The following KLKB1 variants were observed in gnomAD, a reference collection of about 807,000 sequenced individuals.
KLKB1 encodes the protein kallikrein B1.
KLKB1 carries 58 observed loss-of-function variants against 73.6 expected under a neutral mutation model. The ratio of observed to expected loss-of-function variants is 0.79; its 90% CI spans 0.64 to 0.98. The LOEUF (loss-of-function observed/expected upper bound fraction) is 0.98. Ranked by LOEUF, KLKB1 falls within the 50% of genes least tolerant of loss-of-function variation. The pLI, the probability that KLKB1 is intolerant of heterozygous loss-of-function variation, is 0.00. For missense variants in KLKB1, 737 were observed against 763.8 expected, an observed-to-expected ratio of 0.96 and a Z score of 0.41; for synonymous variants, 280 against 258.1, an observed-to-expected ratio of 1.08 and a Z score of -0.81.
At chr4:186,238,689 G>A (rs1204597250) in intron 6 of KLKB1, among the ~76,000 whole-genome samples, 4 of 152,174 alleles carry the variant, frequency 2.6e-5, no homozygotes, top group Non-Finnish European at 5.9e-5. Context: ...GAATGCAGGC[G>A]GCCTCTAGAA....
At chr4:186,218,707 A>G (rs1259281284) in intron 2 of KLKB1, among the ~76,000 whole-genome samples, 2 of 152,062 alleles carry the variant, frequency 1.3e-5, no homozygotes, top group South Asian at 2.1e-4. Context: ...AAGTTCATGT[A>G]TACGATACAG....
chr4:186,230,835 C>A (rs1244583428), intron 2 of KLKB1, among the ~76,000 whole-genome samples: 1 of 152,170 alleles, frequency 6.6e-6, no homozygotes, highest in East Asian at 1.9e-4. Context: ...AAACCACCAA[C>A]TGTCTGAAAA....
At chr4:186,246,725 G>A (rs1394179820) in intron 6 of KLKB1, among the ~76,000 whole-genome samples, 2 of 152,076 alleles carry the variant, frequency 1.3e-5, no homozygotes, top group Non-Finnish European at 2.9e-5. Context: ...GGAGAGAAGG[G>A]GTGGGGGGGT....
At chr4:186,231,483 G>T (rs981179243) in intron 2 of KLKB1, among the ~76,000 whole-genome samples, 6 of 152,182 alleles carry the variant, frequency 3.9e-5, no homozygotes, top group African/African-American at 1.4e-4. Context: ...TGCTTAAACT[G>T]TCTTAAAAAT....
Position 186,258,197 on chromosome 4 carries a change from G to A in KLKB1, c.1902G>A (p.Met634Ile). 6.2e-7 allele frequency: 1 copy of A among 1,614,030 alleles called. No homozygotes were observed. Residue 634 changes from methionine (M) to isoleucine (I), a missense_variant, in exon 15 of 15, where the codon ATG becomes ATA. By Grantham distance (10) the Met-to-Ile change is conservative. Coordinates refer to ENST00000264690, the MANE Select transcript of KLKB1 (RefSeq NM_000892.5). Reference protein sequence around the residue: ...KTQSSDGKAQMQSPA With the variant: ...KTQSSDGKAQIQSPA ...AGAGCAGTGATGGAAAAGCTCAGAT[G>A]CAGTCACCAGCATGAGAAGCAGTCC... is the stretch of plus-strand genomic sequence containing the variant.
chr4:186,245,643 G>A (rs1224985866), intron 6 of KLKB1, among the ~76,000 whole-genome samples: 1 of 152,088 alleles, frequency 6.6e-6, no homozygotes, highest in Non-Finnish European at 1.5e-5. Context: ...AAGTTTTTGT[G>A]TGTGCTGGAG....
intron 13 of KLKB1, among the ~76,000 whole-genome samples, chr4:186,256,388 C>T (rs1423647011): frequency 2.0e-5 from 3 of 152,202 alleles, no homozygotes; most frequent in African/African-American, 7.2e-5. Flanking sequence ...CCACCCGCTC[C>T]TCAGTGTTAG....
Position 186,257,346 on chromosome 4 carries a change from G to T in KLKB1, c.1706G>T (p.Gly569Val). The change falls in exon 14 of 15, where the codon GGG (glycine) becomes GTG (valine). Residue 569 changes from glycine to valine, a missense_variant. Coordinates refer to ENST00000264690, the MANE Select transcript of KLKB1 (RefSeq NM_000892.5). ...QRMVCAGYKEGGKDACKGDSG... is the reference protein window; with the variant it reads ...QRMVCAGYKEVGKDACKGDSG... ...ATGGTCTGTGCTGGCTATAAAGAAGGGGGAAAAGATGCTTGTAAGGTAACT... is the reference window on the plus strand; with the variant it reads ...ATGGTCTGTGCTGGCTATAAAGAAGTGGGAAAAGATGCTTGTAAGGTAACT... 1 of 1,591,240 alleles carries T rather than the reference G, an allele frequency of 6.3e-7. No individual in the cohort carries two copies. The highest frequency in any genetic ancestry group is 8.6e-7 in the Non-Finnish European group (1 of 1,167,996).
intron 7 of KLKB1, chr4:186,250,886 G>T: frequency 5.4e-6 from 2 of 367,992 alleles, no homozygotes; most frequent in East Asian, 6.7e-5. Flanking sequence ...AGAGAAGGGT[G>T]TCTAGTTATG....
At chr4:186,240,131 GTTATAGTTATAGGACAGTGATA>G (rs1737941237) in intron 6 of KLKB1, among the ~76,000 whole-genome samples, 1 of 121,736 alleles carries the variant, frequency 8.2e-6, no homozygotes. Context: ...CAGTGATACT[GTTATAGTTATAGGACAGTGATA>G]TTCTTATAGT....
rs1431504114 is a variant in KLKB1 at position 186,252,022 on chromosome 4, A to G, written c.1150A>G (p.Thr384Ala). 19 of 1,614,218 alleles carry G rather than the reference A, an allele frequency of 1.2e-5. No homozygotes were observed. Among genetic ancestry groups the G allele is most frequent in the Non-Finnish European group, 1.6e-5 (19 of 1,180,056 alleles). Residue 384 changes from threonine (T) to alanine (A), a missense_variant, in exon 11 of 15, where the codon ACA becomes GCA. Physicochemically the swap from Thr to Ala is moderately conservative, Grantham distance 58 (BLOSUM62 0). Transcript: ENST00000264690. ...LCNTGDNSVC[T>A]TKTSTRIVGG... The stretch of plus-strand genomic sequence containing the variant: ...CGTCAACGCTCTCTTTTCAGTCTGC[A>G]CAACAAAAACAAGCACACGCATTGT...
At chr4:186,247,058 A>G in intron 6 of KLKB1, among the ~76,000 whole-genome samples, 1 of 152,178 alleles carries the variant, frequency 6.6e-6, no homozygotes, top group Admixed American at 6.5e-5. Context: ...GAGAGTAAAA[A>G]GAGGCTGCTT....
At chr4:186,244,067 T>C (rs959094854) in intron 6 of KLKB1, among the ~76,000 whole-genome samples, 5 of 152,172 alleles carry the variant, frequency 3.3e-5, no homozygotes, top group African/African-American at 1.2e-4. Context: ...TGGTCCTGGC[T>C]CTTGTGTAAG....
intron 12 of KLKB1, 128 bp downstream of exon 12, chr4:186,254,891 T>C (rs1267049871): frequency 1.3e-6 from 1 of 774,692 alleles, no homozygotes; most frequent in Admixed American, 2.5e-5. Flanking sequence ...GAGGGAAACG[T>C]GAGGGTTGCT....
intron 14 of KLKB1, 100 bp downstream of exon 14, chr4:186,257,465 A>C (rs1739065043): frequency 1.9e-6 from 2 of 1,046,760 alleles, no homozygotes; most frequent in African/African-American, 3.3e-5. Flanking sequence ...TTTTAAAAAA[A>C]TTCAGAGACA....
Position 186,251,486 on chromosome 4 carries a change from G to C in KLKB1, c.869-1G>C. ...TCTTTTTGTGTTTATAATTGACACA[G>C]AACCCTGCCATTCTAAAATTTACCC... is the stretch of plus-strand genomic sequence containing the variant. On this transcript the variant is annotated splice_acceptor_variant, in intron 8 of 14. Coordinates refer to ENST00000264690, the MANE Select transcript of KLKB1 (RefSeq NM_000892.5). LOFTEE classifies it high-confidence loss of function. The C allele has an allele frequency of 6.2e-7, 1 of 1,613,366 alleles. No individual in the cohort carries two copies. The highest frequency in any genetic ancestry group is 8.5e-7 in the Non-Finnish European group (1 of 1,179,368).
At chr4:186,211,195 G>A (rs1044846235) in intron 2 of KLKB1, 7 of 153,222 alleles carry the variant, frequency 4.6e-5, no homozygotes, top group Admixed American at 1.9e-4. Context: ...GGTCACAAAA[G>A]TAGTTAATTG....
intron 2 of KLKB1, among the ~76,000 whole-genome samples, chr4:186,216,207 T>C (rs1736898640): frequency 6.6e-6 from 1 of 152,190 alleles, no homozygotes; most frequent in Non-Finnish European, 1.5e-5. Flanking sequence ...CAATCTCTTG[T>C]TTTTAAAAGA....
At chr4:186,240,649 T>C (rs1314456985) in intron 6 of KLKB1, among the ~76,000 whole-genome samples, 1 of 152,142 alleles carries the variant, frequency 6.6e-6, no homozygotes, top group Non-Finnish European at 1.5e-5. Context: ...TGGCCCTGTA[T>C]TGGGTGCTGG....
Sources: allele counts gnomAD v4.1 joint callset (sites outside exome capture counted in the v4.1 genomes callset), GRCh38; gene constraint gnomAD v4.1.1; transcripts MANE v1.5; gene names NCBI Gene and HGNC (gene_info 2026-07-23, HGNC 2026-07-21).